Variants in HTR3B observed in about 807,000 individuals in gnomAD.
The protein encoded by HTR3B is 5-hydroxytryptamine (serotonin) receptor 3B, ionotropic.
Under a neutral mutation model 42.8 loss-of-function variants are expected in HTR3B, and 44 were observed. The observed-to-expected ratio is 1.03, with a 90% confidence interval of 0.81 to 1.32. HTR3B has a LOEUF of 1.32. Ranked by LOEUF, HTR3B falls within the 40% of genes most tolerant of loss-of-function variation. The pLI is 0.00. For synonymous variants in HTR3B, 203 were observed against 209.0 expected (o/e 0.97, Z 0.25); for missense variants, 527 against 536.5 (o/e 0.98, Z 0.17).
intron 1 of HTR3B, among the ~76,000 whole-genome samples, chr11:113,908,477 T>C (rs951048921): frequency 2.0e-5 from 3 of 152,252 alleles, no homozygotes; most frequent in Non-Finnish European, 4.4e-5. Flanking sequence ...GAGTGAAGCA[T>C]TGAATCCCCT....
At chr11:113,906,891 A>G (rs1351507631) in intron 1 of HTR3B, among the ~76,000 whole-genome samples, 1 of 152,210 alleles carries the variant, frequency 6.6e-6, no homozygotes, top group East Asian at 1.9e-4. Flanking sequence ...TGCCTGGCAT[A>G]CAGTCAGCAT....
upstream of HTR3B, among the ~76,000 whole-genome samples, chr11:113,903,384 C>G (rs1375224059): frequency 2.0e-5 from 3 of 151,486 alleles, no homozygotes; most frequent in Non-Finnish European, 4.4e-5. Context: ...CATGTATGAA[C>G]ATGTGCAAAC....
Position 113,909,318 on chromosome 11 carries a change from C to T in HTR3B, c.76C>T (p.His26Tyr). Residue 26 changes from histidine (H) to tyrosine (Y), a missense_variant, in exon 2 of 9, where the codon CAT becomes TAT. His to Tyr is a moderately conservative substitution (Grantham distance 83). Transcript: ENST00000260191. Reference sequence around the variant, plus strand: ...AGGAATTCTAGCCACAGATACACATCATCCCCAGGATTCTGCTCTGTATCA... The same window carrying T: ...AGGAATTCTAGCCACAGATACACATTATCCCCAGGATTCTGCTCTGTATCA... ...AAGILATDTHHPQDSALYHLS... is the reference protein window; with the variant it reads ...AAGILATDTHYPQDSALYHLS... 2 of 1,612,820 alleles carry T rather than the reference C, an allele frequency of 1.2e-6. No homozygotes were observed. Among genetic ancestry groups the T allele is most frequent in the Non-Finnish European group, 8.5e-7 (1 of 1,178,776 alleles).
rs1950200642 is a variant in HTR3B at position 113,949,001 on chromosome 11, C to T, written c.*2864C>T. Reference sequence around the variant, plus strand: ...CAAACCTGCACGTTGTGCACATGTACCCTAAAACTTAAAGTATAATTTAAA... The same window carrying T: ...CAAACCTGCACGTTGTGCACATGTATCCTAAAACTTAAAGTATAATTTAAA... On this transcript the variant is annotated 3_prime_UTR_variant, in exon 9 of 9. Transcript: ENST00000260191. Among the ~76,000 whole-genome samples the T allele has an allele frequency of 6.6e-6, 1 of 152,150 alleles. No individual in the cohort carries two copies. Among genetic ancestry groups the T allele is most frequent in the African/African-American group, 2.4e-5 (1 of 41,424 alleles).
At position 113,946,147 on chromosome 11, in the gene HTR3B, T is replaced by C. The variant is rs1337503026; in HGVS notation, c.*10T>C. Reference sequence around the variant, plus strand: ...GTGGGGCGGCGTGTGAAGACTGAAGTGTTCTTCAGTAATTGTGCTGGCACT... The same window carrying C: ...GTGGGGCGGCGTGTGAAGACTGAAGCGTTCTTCAGTAATTGTGCTGGCACT... On this transcript the variant is annotated 3_prime_UTR_variant, in exon 9 of 9. Transcript: ENST00000260191. The C allele has an allele frequency of 1.3e-6, 2 of 1,570,878 alleles. No individual in the cohort carries two copies. Among genetic ancestry groups the C allele is most frequent in the Non-Finnish European group, 8.8e-7 (1 of 1,141,358 alleles).
intron 2 of HTR3B, among the ~76,000 whole-genome samples, chr11:113,923,965 G>A (rs1949942297): frequency 6.6e-6 from 1 of 152,128 alleles, no homozygotes; most frequent in African/African-American, 2.4e-5. Flanking sequence ...GGCAAGAAGA[G>A]AAAAACAAGC....
At chr11:113,928,285 T>C (rs962201954) in intron 2 of HTR3B, among the ~76,000 whole-genome samples, 1 of 152,228 alleles carries the variant, frequency 6.6e-6, no homozygotes, top group East Asian at 1.9e-4. Flanking sequence ...CAGTGTATCA[T>C]TGTTGGGCAT....
At chr11:113,900,844 A>G (rs1403718077), upstream of HTR3B, among the ~76,000 whole-genome samples, 3 of 152,092 alleles carry the variant, frequency 2.0e-5, no homozygotes, top group Non-Finnish European at 4.4e-5. Flanking sequence ...AGGGGAAGCA[A>G]GGCAACATCA....
At chr11:113,933,198 C>A in intron 6 of HTR3B, 105 bp downstream of exon 6, 1 of 1,120,634 alleles carries the variant, frequency 8.9e-7, no homozygotes, top group Non-Finnish European at 1.3e-6. Context: ...CATTCATTAT[C>A]ACCCAAGAAC....
intron 6 of HTR3B, among the ~76,000 whole-genome samples, chr11:113,938,994 TA>T (rs879735486): frequency 4.1e-4 from 58 of 142,120 alleles, no homozygotes; most frequent in East Asian, 3.1e-3. Context: ...AAATTGTGTC[TA>T]AAAAAAAAAA....
At chr11:113,931,891 T>C in intron 4 of HTR3B, 24 bp downstream of exon 4, 1 of 1,346,764 alleles carries the variant, frequency 7.4e-7, no homozygotes, top group Non-Finnish European at 1.1e-6. Context: ...TGTGTATTTC[T>C]GTGGGGTTTA....
intron 8 of HTR3B, 147 bp downstream of exon 8, chr11:113,944,902 T>C: frequency 1.5e-6 from 1 of 656,144 alleles, no homozygotes; most frequent in Non-Finnish European, 2.5e-6. Context: ...TTTTATATTA[T>C]CTCTCTGGAG....
In HTR3B at chr11:113,904,818, A is replaced by G. The variant is rs1177622618; in HGVS notation, c.-116A>G. 8.7e-6 allele frequency: 7 copies of G among 801,396 alleles called. No individual in the cohort carries two copies. Among genetic ancestry groups the G allele is most frequent in the Admixed American group, 5.7e-5 (3 of 52,446 alleles). 49.6% of individuals were successfully genotyped at this position (801,396 alleles called of 1,614,324 possible). ...AATAGCACCAGTAAGGATAGCATCA[A>G]CTGGCAAACGGAGAAGGAGGAGAAC... On this transcript the variant is annotated 5_prime_UTR_variant, in exon 1 of 9. Coordinates refer to ENST00000260191, the MANE Select transcript of HTR3B (RefSeq NM_006028.5).
chr11:113,906,263 A>G lies in HTR3B; in HGVS notation c.52+1278A>G, dbSNP rs182305594. ...ACTTTACGTATTTTACTATATTTAC[A>G]AATCAAGATGATTTGTTAAGTGTAA... On this transcript the variant is annotated intron_variant, in intron 1 of 8. Coordinates refer to ENST00000260191, the MANE Select transcript of HTR3B (RefSeq NM_006028.5). 3.2e-4 allele frequency among the ~76,000 whole-genome samples: 49 copies of G among 152,302 alleles called. No homozygotes were observed. The East Asian group carries it at 8.9e-3, about 28-fold the overall frequency.
At chr11:113,910,602 G>A (rs376181914) in intron 2 of HTR3B, among the ~76,000 whole-genome samples, 37 of 151,798 alleles carry the variant, frequency 2.4e-4, no homozygotes, top group East Asian at 2.3e-3. Context: ...CACCACGCCC[G>A]GCTAATTTTT....
At chr11:113,936,661 G>T (rs1046807781) in intron 6 of HTR3B, among the ~76,000 whole-genome samples, 8 of 152,172 alleles carry the variant, frequency 5.3e-5, no homozygotes, top group African/African-American at 1.9e-4. Flanking sequence ...GCGACCCATA[G>T]TCTAGATCCA....
chr11:113,934,223 C>T (rs1479078854), intron 6 of HTR3B, among the ~76,000 whole-genome samples: 3 of 152,016 alleles, frequency 2.0e-5, no homozygotes, highest in African/African-American at 7.2e-5. Flanking sequence ...CCCATCTTTA[C>T]TAAAAATACA....
At chr11:113,904,587 A>G (rs931797731), upstream of HTR3B, 4 of 213,164 alleles carry the variant, frequency 1.9e-5, no homozygotes, top group Admixed American at 5.6e-5. Context: ...AGGAAATCAT[A>G]TTAGTGTGGA....
chr11:113,926,930 C>G (rs1175011147), intron 2 of HTR3B, among the ~76,000 whole-genome samples: 3 of 152,176 alleles, frequency 2.0e-5, no homozygotes, highest in Non-Finnish European at 4.4e-5. Flanking sequence ...TATTGTCTAT[C>G]TTTTTAATTT....
Sources: allele counts gnomAD v4.1 joint callset (sites outside exome capture counted in the v4.1 genomes callset), GRCh38; gene constraint gnomAD v4.1.1; transcripts MANE v1.5; gene names NCBI Gene and HGNC (gene_info 2026-07-23, HGNC 2026-07-21).